SGCE: variants seen among roughly 807,000 people sequenced by gnomAD.
The protein encoded by SGCE is sarcoglycan epsilon.
In SGCE, 26 loss-of-function variants were observed where a neutral mutation model predicts 57.8. That is an observed-to-expected ratio of 0.45 (90% CI 0.33 to 0.62). The LOEUF is 0.62. Ranked by LOEUF, SGCE falls within the 20% of genes least tolerant of loss-of-function variation. The pLI, the probability that SGCE is intolerant of heterozygous loss-of-function variation, is 0.02. For synonymous variants in SGCE, 183 were observed against 189.5 expected (o/e 0.97, Z 0.28); for missense variants, 468 against 548.6 (o/e 0.85, Z 1.47).
At chr7:94,594,059 C>A (rs549891732) in intron 9 of SGCE, among the ~76,000 whole-genome samples, 80 of 152,170 alleles carry the variant, frequency 5.3e-4, no homozygotes, top group African/African-American at 1.9e-3. Context: ...AGGCTAGACT[C>A]TCTCTTGACG....
At position 94,656,009 on chromosome 7, in the gene SGCE, A is replaced by C; in HGVS notation, c.90T>G (p.Thr30=). ...RGTRRMSPAT[T]GTFLLTVYSI... is the part of the protein sequence containing the mutation. ...ACTAACCTGTCAGCAAGAATGTGCC[A>C]GTGGTCGCGGGGCTCATCCTGCGTG... Residue 30 remains threonine, a synonymous_variant, in exon 1 of 11, where the codon ACT becomes ACG. Coordinates refer to ENST00000648936, the MANE Select transcript of SGCE (RefSeq NM_003919.3). 1 of 1,609,948 alleles carries C rather than the reference A, an allele frequency of 6.2e-7. No individual in the cohort carries two copies. Among genetic ancestry groups the C allele is most frequent in the South Asian group, 1.1e-5 (1 of 90,936 alleles).
At chr7:94,607,161 A>G (rs779845461) in intron 5 of SGCE, among the ~76,000 whole-genome samples, 1 of 152,154 alleles carries the variant, frequency 6.6e-6, no homozygotes, top group Non-Finnish European at 1.5e-5. Context: ...ATAATTAATA[A>G]TCTTCTAAAG....
At chr7:94,598,608 T>C in intron 9 of SGCE, 167 bp downstream of exon 9, 1 of 654,196 alleles carries the variant, frequency 1.5e-6, no homozygotes, top group East Asian at 2.7e-5. Flanking sequence ...AAAGTAATTG[T>C]ATTGTATATT....
chr7:94,604,413 T>TAC lies in SGCE; in HGVS notation c.663-963_663-962dup, dbSNP rs139796978. Reference sequence around the variant, plus strand: ...AAGTTCATAGCACCCAGAATAGCCATACACACACACACACACACACAAATT... The same window carrying TAC: ...AAGTTCATAGCACCCAGAATAGCCATACACACACACACACACACACACAAATT... On this transcript the variant is annotated intron_variant, in intron 5 of 10. Coordinates refer to ENST00000648936, the MANE Select transcript of SGCE (RefSeq NM_003919.3). Among the ~76,000 whole-genome samples the TAC allele has an allele frequency of 5.7e-3, 842 of 148,546 alleles. 2 individuals carry two copies. Among genetic ancestry groups the TAC allele is most frequent in the Admixed American group, 0.011 (169 of 14,842 alleles).
Position 94,599,490 on chromosome 7 carries a change from C to G in SGCE, c.1064+207G>C, listed in dbSNP as rs1798885862. ...GAAATATTTTAGGTTTAATTTTTAT[C>G]TGTGTAATCTTAGTTTTCAAACCCT... On this transcript the variant is annotated intron_variant, in intron 8 of 10. Coordinates refer to ENST00000648936, the MANE Select transcript of SGCE (RefSeq NM_003919.3). The G allele has an allele frequency of 1.6e-5, 9 of 547,582 alleles. No homozygotes were observed. In the East Asian group the frequency reaches 2.6e-4, roughly 16 times the overall value. 33.9% of individuals were successfully genotyped at this position (547,582 alleles called of 1,614,324 possible). A position where few individuals can be genotyped will look rare whatever the true frequency, so the allele number is the denominator to read the frequency against.
At chr7:94,619,111 G>A in intron 4 of SGCE, 155 bp from the exon 5 acceptor site, 1 of 646,690 alleles carries the variant, frequency 1.5e-6, no homozygotes, top group Admixed American at 2.4e-5. Context: ...TTTAACAGAG[G>A]ATGTATCTAA....
At chr7:94,632,903 T>C (rs918557749) in intron 1 of SGCE, among the ~76,000 whole-genome samples, 4 of 152,086 alleles carry the variant, frequency 2.6e-5, no homozygotes, top group African/African-American at 9.7e-5. Flanking sequence ...CTACAGAGGC[T>C]ATTACTAACA....
intron 1 of SGCE, among the ~76,000 whole-genome samples, chr7:94,640,339 G>C (rs1806204839): frequency 6.6e-6 from 1 of 152,172 alleles, no homozygotes; most frequent in Admixed American, 6.5e-5. Context: ...ATTCCTTAAA[G>C]ATACCATGTC....
intron 1 of SGCE, among the ~76,000 whole-genome samples, chr7:94,653,625 ATCTT>A (rs944020639): frequency 1.2e-4 from 18 of 152,074 alleles, no homozygotes; most frequent in African/African-American, 4.1e-4. Context: ...TATTAATGTT[ATCTT>A]TCTGTTTTAT....
At chr7:94,588,540 T>G (rs1483571382) in intron 10 of SGCE, 149 bp downstream of exon 10, 1 of 1,487,658 alleles carries the variant, frequency 6.7e-7, no homozygotes, top group African/African-American at 1.4e-5. Flanking sequence ...TAAGCTATTA[T>G]TCTGAGGTTT....
At chr7:94,585,889 C>G (rs62465728) in intron 10 of SGCE, among the ~76,000 whole-genome samples, 269 of 151,598 alleles carry the variant, frequency 1.8e-3, no homozygotes, top group South Asian at 4.4e-3. Flanking sequence ...ATGAGAAAAC[C>G]TGAAGGGGCA....
intron 3 of SGCE, 196 bp downstream of exon 3, chr7:94,628,006 C>A: frequency 2.0e-6 from 1 of 511,996 alleles, no homozygotes; most frequent in Non-Finnish European, 3.5e-6. Flanking sequence ...AATATAAAAG[C>A]TGAAACAAAA....
intron 9 of SGCE, among the ~76,000 whole-genome samples, chr7:94,591,712 G>A (rs373088828): frequency 2.6e-5 from 4 of 152,172 alleles, no homozygotes; most frequent in East Asian, 1.9e-4. Context: ...ATGCCCTGTC[G>A]TTTCTTTTCT....
intron 1 of SGCE, among the ~76,000 whole-genome samples, chr7:94,647,173 C>T (rs1248296066): frequency 6.6e-6 from 1 of 152,150 alleles, no homozygotes; most frequent in Non-Finnish European, 1.5e-5. Context: ...TCAAACTAAG[C>T]TTGTCCAAAC....
intron 1 of SGCE, among the ~76,000 whole-genome samples, chr7:94,630,363 T>C (rs1352493253): frequency 4.0e-5 from 6 of 151,892 alleles, no homozygotes; most frequent in African/African-American, 1.2e-4. Context: ...TTTTTACGTA[T>C]ACTTATAAAA....
chr7:94,624,276 G>T, intron 3 of SGCE: 1 of 397,422 alleles, frequency 2.5e-6, no homozygotes, highest in South Asian at 1.3e-4. Flanking sequence ...GGATAAAACT[G>T]ACTTCAACTA....
intron 5 of SGCE, among the ~76,000 whole-genome samples, chr7:94,615,098 C>T (rs1394433177): frequency 1.4e-4 from 21 of 152,264 alleles, no homozygotes; most frequent in African/African-American, 3.1e-4. Context: ...CAGTAGCTCA[C>T]GCCTGTAAGC....
Position 94,628,305 on chromosome 7 carries a change from T to G in SGCE, c.287A>C (p.Asp96Ala). 6.2e-7 allele frequency: 1 copy of G among 1,611,938 alleles called. No individual in the cohort carries two copies. The highest frequency in any genetic ancestry group is 8.5e-7 in the Non-Finnish European group (1 of 1,178,604). ...TFNTNLMGYPDRPGWLRYIQR... is the reference protein window; with the variant it reads ...TFNTNLMGYPARPGWLRYIQR... ...GATATATCGAAGCCATCCAGGTCGG[T>G]CTGGGTAACCCATTAAATTTGTATT... The change falls in exon 3 of 11, where the codon GAC (aspartate) becomes GCC (alanine). Residue 96 changes from aspartate to alanine, a missense_variant. Transcript: ENST00000648936.
Position 94,598,788 on chromosome 7 carries a change from T to A in SGCE, c.1240A>T (p.Met414Leu). The A allele has an allele frequency of 6.2e-7, 1 of 1,611,182 alleles. No individual in the cohort carries two copies. Residue 414 changes from methionine (M) to leucine (L), a missense_variant, in exon 9 of 11, where the codon ATG becomes TTG. Met to Leu is a conservative substitution (Grantham distance 15). Coordinates refer to ENST00000648936, the MANE Select transcript of SGCE (RefSeq NM_003919.3). Reference sequence around the variant, plus strand: ...GTGGACACTTACTGCTGCGTTTGCATCAATGGCATGTTTGTGCTATCATAG... The same window carrying A: ...GTGGACACTTACTGCTGCGTTTGCAACAATGGCATGTTTGTGCTATCATAG... Reference protein sequence around the residue: ...DNYDSTNMPLMQTQQNLPHQT... With the variant: ...DNYDSTNMPLLQTQQNLPHQT...
Sources: allele counts gnomAD v4.1 joint callset (sites outside exome capture counted in the v4.1 genomes callset), GRCh38; gene constraint gnomAD v4.1.1; transcripts MANE v1.5; gene names NCBI Gene and HGNC (gene_info 2026-07-23, HGNC 2026-07-21).